IL1RAPL2: variants seen among roughly 807,000 people sequenced by gnomAD.
IL1RAPL2 encodes interleukin 1 receptor accessory protein like 2, also known as X-linked interleukin-1 receptor accessory protein-like 2.
Under a neutral mutation model 44.1 loss-of-function variants are expected in IL1RAPL2, and 3 were observed. That is an observed-to-expected ratio of 0.07 (90% CI 0.03 to 0.18). IL1RAPL2 has a LOEUF of 0.18. Among genes scored for constraint, IL1RAPL2 ranks in the 10% least tolerant of loss-of-function variants. IL1RAPL2 has a pLI of 1.00. For synonymous variants in IL1RAPL2, 181 were observed against 178.8 expected, an observed-to-expected ratio of 1.01 and a Z score of -0.10; for missense variants, 391 against 496.4, an observed-to-expected ratio of 0.79 and a Z score of 2.02.
intron 2 of IL1RAPL2, among the ~76,000 whole-genome samples, chrX:104,754,136 G>A (rs1195090975): frequency 9.0e-6 from 1 of 111,319 alleles, no homozygotes; most frequent in Non-Finnish European, 1.9e-5. Context: ...TTTGCCAATT[G>A]CCTGTCAGAT....
At position 104,674,133 on chromosome X, in the gene IL1RAPL2, A is replaced by G. The variant is rs752711089; in HGVS notation, c.82+15138A>G. Among the ~76,000 whole-genome samples the G allele has an allele frequency of 1.1e-3, 127 of 111,738 alleles. 1 individual carries two copies. Among genetic ancestry groups the G allele is most frequent in the African/African-American group, 3.8e-3 (118 of 30,693 alleles). ...TGCCCTGGCCAGAACTTCCAACACTATGTTGAAGAGGAGTGTTGAGAGAGG... is the reference window on the plus strand; with the variant it reads ...TGCCCTGGCCAGAACTTCCAACACTGTGTTGAAGAGGAGTGTTGAGAGAGG... On this transcript the variant is annotated intron_variant, in intron 2 of 10. Coordinates refer to ENST00000372582, the MANE Select transcript of IL1RAPL2 (RefSeq NM_017416.2).
chrX:105,536,101 T>A lies in IL1RAPL2; in HGVS notation c.772+51714T>A, dbSNP rs754613196. ...ATAAGAACTTAATATGTGAGGTTTT[T>A]AAATAAAAATATTTCCCTTATTATA... On this transcript the variant is annotated intron_variant, in intron 6 of 10. Coordinates refer to ENST00000372582, the MANE Select transcript of IL1RAPL2 (RefSeq NM_017416.2). Among the ~76,000 whole-genome samples, 11 of 111,135 alleles carry A rather than the reference T, an allele frequency of 9.9e-5. No individual in the cohort carries two copies. In the East Asian group the frequency reaches 3.1e-3, roughly 31 times the overall value.
intron 5 of IL1RAPL2, among the ~76,000 whole-genome samples, chrX:105,407,958 T>G (rs986764588): frequency 5.4e-5 from 6 of 112,002 alleles, no homozygotes; most frequent in African/African-American, 1.9e-4. Context: ...TAATATTCAT[T>G]TAATTCAAAT....
chrX:105,031,115 T>G (rs1193674312), intron 2 of IL1RAPL2, among the ~76,000 whole-genome samples: 6 of 110,413 alleles, frequency 5.4e-5, no homozygotes, highest in Middle Eastern at 4.6e-3. Context: ...CTTTGCTGAA[T>G]TTGCTTATCA....
intron 2 of IL1RAPL2, among the ~76,000 whole-genome samples, chrX:104,955,223 T>C (rs1925682703): frequency 9.0e-6 from 1 of 111,213 alleles, no homozygotes; most frequent in Non-Finnish European, 1.9e-5. Flanking sequence ...ACTTAAGTTG[T>C]GGCTTAGAGA....
intron 2 of IL1RAPL2, among the ~76,000 whole-genome samples, chrX:104,963,655 C>T (rs5916844): frequency 0.43 from 47,349 of 109,830 alleles, 7,406 homozygotes; most frequent in East Asian, 0.46. Flanking sequence ...CGTCCTGAAA[C>T]AGATGACAAC....
rs1320691908 is a variant in IL1RAPL2 at position 105,749,255 on chromosome X, AC to A, written c.1192+154del. 1.2e-5 allele frequency: 5 copies of A among 432,281 alleles called. No homozygotes were observed. The African/African-American group carries it at 1.2e-4, about 11-fold the overall frequency. The allele number at this position is 432,281 out of a possible 1,213,427, so 35.6% of individuals were successfully genotyped here. A position where few individuals can be genotyped will look rare whatever the true frequency, so the allele number is the denominator to read the frequency against. ...TACCTTTAAATAGTTTAGAAGACTT[AC>A]CAAGAAAAAGAGAAAAGAGGAGAAT... On this transcript the variant is annotated intron_variant, in intron 9 of 10. Coordinates refer to ENST00000372582, the MANE Select transcript of IL1RAPL2 (RefSeq NM_017416.2).
At chrX:105,499,617 A>C (rs1162461917) in intron 6 of IL1RAPL2, among the ~76,000 whole-genome samples, 1 of 112,338 alleles carries the variant, frequency 8.9e-6, no homozygotes, top group Non-Finnish European at 1.9e-5. Context: ...GAAGACATAC[A>C]AATAGTCAAC....
intron 2 of IL1RAPL2, among the ~76,000 whole-genome samples, chrX:104,916,320 T>A (rs969495683): frequency 8.9e-6 from 1 of 111,749 alleles, no homozygotes; most frequent in African/African-American, 3.3e-5. Flanking sequence ...TATTTTATTC[T>A]CTTTGAAGCA....
intron 2 of IL1RAPL2, among the ~76,000 whole-genome samples, chrX:104,842,771 C>T (rs1921943526): frequency 8.9e-6 from 1 of 112,627 alleles, no homozygotes; most frequent in Non-Finnish European, 1.9e-5. Context: ...GAAGCTCCCT[C>T]CCAGAGGGGC....
intron 3 of IL1RAPL2, chrX:105,220,499 G>T (rs908355767): frequency 1.9e-5 from 15 of 785,572 alleles, no homozygotes; most frequent in Admixed American, 4.1e-5. Context: ...ATCTTCTCCC[G>T]CCCTCTTGTC....
At chrX:105,541,803 G>C (rs1929741480) in intron 6 of IL1RAPL2, among the ~76,000 whole-genome samples, 1 of 110,537 alleles carries the variant, frequency 9.0e-6, no homozygotes, top group Admixed American at 9.7e-5. Flanking sequence ...GCACAGCTCT[G>C]ATCACACCAT....
At chrX:104,807,003 G>C (rs1486214279) in intron 2 of IL1RAPL2, among the ~76,000 whole-genome samples, 1 of 110,841 alleles carries the variant, frequency 9.0e-6, no homozygotes, top group Non-Finnish European at 1.9e-5. Flanking sequence ...TACAGTTTGA[G>C]GTGATGTTTC....
chrX:104,602,606 A>C (rs2148000803), intron 1 of IL1RAPL2, among the ~76,000 whole-genome samples: 1 of 111,655 alleles, frequency 9.0e-6, no homozygotes, highest in East Asian at 2.8e-4. Context: ...CCAGCACAGC[A>C]GCAGTCTGAG....
In IL1RAPL2 at chrX:105,648,304, T is replaced by C. The variant is rs567512661; in HGVS notation, c.773-69063T>C. ...CTTTTATGATAGAAATCATGAGCAG[T>C]AGAACATGTTCAATACAGGGGTCTG... On this transcript the variant is annotated intron_variant, in intron 6 of 10. Transcript: ENST00000372582. Among the ~76,000 whole-genome samples the C allele has an allele frequency of 4.6e-4, 51 of 111,835 alleles. No homozygotes were observed. In the South Asian group the frequency reaches 0.019, roughly 41 times the overall value.
intron 2 of IL1RAPL2, among the ~76,000 whole-genome samples, chrX:105,129,069 G>A (rs1442017442): frequency 9.0e-6 from 1 of 111,054 alleles, no homozygotes; most frequent in Non-Finnish European, 1.9e-5. Context: ...GAAGTTTTTA[G>A]TCTCTAATAA....
intron 2 of IL1RAPL2, among the ~76,000 whole-genome samples, chrX:104,695,691 C>T (rs1032228125): frequency 1.8e-5 from 2 of 110,899 alleles, no homozygotes; most frequent in Admixed American, 9.6e-5. Context: ...AACAGGCATC[C>T]AGATATAATA....
At chrX:104,808,536 C>T (rs1932940952) in intron 2 of IL1RAPL2, among the ~76,000 whole-genome samples, 1 of 111,014 alleles carries the variant, frequency 9.0e-6, no homozygotes, top group Non-Finnish European at 1.9e-5. Context: ...TAGGTGGTAA[C>T]ATGACAACTG....
intron 2 of IL1RAPL2, among the ~76,000 whole-genome samples, chrX:104,924,518 A>G (rs769547194): frequency 8.0e-5 from 9 of 112,206 alleles, no homozygotes; most frequent in Non-Finnish European, 1.7e-4. Context: ...ACAACAGTAG[A>G]ATAAAATTAG....
Sources: gnomAD v4.1 joint callset for allele counts (sites outside exome capture counted in the v4.1 genomes callset) on GRCh38, gnomAD v4.1.1 for gene constraint, MANE v1.5 for transcripts, NCBI Gene and HGNC (gene_info 2026-07-23, HGNC 2026-07-21) for gene names.